The following WDSUB1 variants were observed in gnomAD, a reference collection of about 807,000 sequenced individuals.
WDSUB1 encodes the protein WD repeat, sterile alpha motif and U-box domain containing 1.
Under a neutral mutation model 53.9 loss-of-function variants are expected in WDSUB1, and 49 were observed. That is an observed-to-expected ratio of 0.91 (90% CI 0.72 to 1.15). WDSUB1 has a LOEUF of 1.15. Ranked by LOEUF, WDSUB1 falls within the 50% of genes most tolerant of loss-of-function variation. WDSUB1 has a pLI of 0.00. For synonymous variants in WDSUB1, 194 were observed against 200.6 expected (o/e 0.97, Z 0.28); for missense variants, 514 against 562.0 (o/e 0.91, Z 0.86).
chr2:159,252,701 T>C (rs754120400), intron 9 of WDSUB1, among the ~76,000 whole-genome samples: 3 of 152,208 alleles, frequency 2.0e-5, no homozygotes, highest in Non-Finnish European at 4.4e-5. Context: ...ACAAGTGAAA[T>C]CTACATAACG....
chr2:159,261,019 A>C (rs2061177055), intron 5 of WDSUB1, among the ~76,000 whole-genome samples: 2 of 152,226 alleles, frequency 1.3e-5, no homozygotes, highest in African/African-American at 4.8e-5. Context: ...TATACTTTAA[A>C]AGTTCAAAGA....
chr2:159,237,821 C>T (rs1183463836), intron 10 of WDSUB1, among the ~76,000 whole-genome samples: 3 of 152,262 alleles, frequency 2.0e-5, no homozygotes, highest in Non-Finnish European at 4.4e-5. Context: ...ACCAAGGAAA[C>T]CCCAAGAAAA....
intron 9 of WDSUB1, among the ~76,000 whole-genome samples, chr2:159,250,106 A>AAAAAAAAAAAAAC (rs1559535180): frequency 6.7e-6 from 1 of 148,658 alleles, no homozygotes; most frequent in African/African-American, 2.5e-5. Context: ...AAAAAAAAAA[A>AAAAAAAAAAAAAC]AGAAGGGAAG....
chr2:159,238,710 C>G (rs2060556107), intron 10 of WDSUB1, among the ~76,000 whole-genome samples: 1 of 152,170 alleles, frequency 6.6e-6, no homozygotes, highest in Non-Finnish European at 1.5e-5. Flanking sequence ...TATGGAGGTT[C>G]TCGACATGTA....
chr2:159,275,292 C>T (rs951884567), intron 4 of WDSUB1, among the ~76,000 whole-genome samples: 3 of 152,110 alleles, frequency 2.0e-5, no homozygotes, highest in African/African-American at 7.2e-5. Flanking sequence ...GTGAAAACCA[C>T]AAAGGAGTTG....
At chr2:159,263,697 C>A (rs2061274824) in intron 5 of WDSUB1, among the ~76,000 whole-genome samples, 1 of 152,180 alleles carries the variant, frequency 6.6e-6, no homozygotes, top group African/African-American at 2.4e-5. Flanking sequence ...TCCTCAACAA[C>A]TCTTCCTGAA....
intron 9 of WDSUB1, among the ~76,000 whole-genome samples, chr2:159,249,040 G>A (rs932000970): frequency 2.0e-5 from 3 of 152,158 alleles, no homozygotes. Flanking sequence ...TATATCAGCA[G>A]CTAATAGCTC....
At position 159,279,975 on chromosome 2, in the gene WDSUB1, T is replaced by C. The variant is rs1207718401; in HGVS notation, c.399-30A>G. ...AATAAAAGCAAAAAGTGGGTTTTCA[T>C]TTCAGAGTATCCTTTACTTTATACC... is the stretch of plus-strand genomic sequence containing the variant. On this transcript the variant is annotated intron_variant, in intron 2 of 10. Coordinates refer to ENST00000359774, the MANE Select transcript of WDSUB1 (RefSeq NM_001128212.3). 6 of 1,579,950 alleles carry C rather than the reference T, an allele frequency of 3.8e-6. No individual in the cohort carries two copies. In the South Asian group the frequency reaches 4.6e-5, roughly 12 times the overall value.
intron 10 of WDSUB1, among the ~76,000 whole-genome samples, chr2:159,240,089 C>T (rs2151037535): frequency 6.6e-6 from 1 of 152,334 alleles, no homozygotes; most frequent in Middle Eastern, 3.4e-3. Flanking sequence ...CCACCTCTAA[C>T]TGACTTTGTC....
intron 9 of WDSUB1, among the ~76,000 whole-genome samples, chr2:159,255,145 G>A: frequency 6.6e-6 from 1 of 151,426 alleles, no homozygotes; most frequent in Non-Finnish European, 1.5e-5. Flanking sequence ...CCCCCACCCT[G>A]CCACCCCCAC....
chr2:159,237,550 A>G (rs2060516816), intron 10 of WDSUB1, among the ~76,000 whole-genome samples: 1 of 152,038 alleles, frequency 6.6e-6, no homozygotes, highest in Non-Finnish European at 1.5e-5. Context: ...ACTATAAAAC[A>G]AGGTACCTTC....
intron 10 of WDSUB1, among the ~76,000 whole-genome samples, chr2:159,236,676 G>C (rs774778065): frequency 6.6e-6 from 1 of 151,842 alleles, no homozygotes; most frequent in Non-Finnish European, 1.5e-5. Flanking sequence ...TGTTTGTTTT[G>C]AGACCAAGTC....
At chr2:159,253,770 T>G (rs1286644972) in intron 9 of WDSUB1, among the ~76,000 whole-genome samples, 1 of 152,230 alleles carries the variant, frequency 6.6e-6, no homozygotes, top group Non-Finnish European at 1.5e-5. Context: ...AGACCAAATT[T>G]AATTCTCTAT....
intron 10 of WDSUB1, among the ~76,000 whole-genome samples, chr2:159,245,627 G>A (rs1431821784): frequency 6.6e-6 from 1 of 151,634 alleles, no homozygotes; most frequent in Non-Finnish European, 1.5e-5. Flanking sequence ...ATCATACAAA[G>A]TCTAGAAATG....
intron 5 of WDSUB1, among the ~76,000 whole-genome samples, chr2:159,269,640 C>T (rs1168316573): frequency 2.0e-5 from 3 of 152,120 alleles, no homozygotes; most frequent in Admixed American, 6.5e-5. Flanking sequence ...TAGAATGAAA[C>T]TAACTTTTCT....
At chr2:159,261,886 ATATATATATATTTTTTTTTTTTTTTTT>A (rs1258889455) in intron 5 of WDSUB1, among the ~76,000 whole-genome samples, 130 of 15,092 alleles carry the variant, frequency 8.6e-3, no homozygotes, top group Non-Finnish European at 0.011. Context: ...ATATATATAT[ATATATATATATTTTTTTTTTTTTTTTT>A]TTTTTTTTTT....
chr2:159,261,919 T>A (rs2061236997), intron 5 of WDSUB1, among the ~76,000 whole-genome samples: 2 of 103,062 alleles, frequency 1.9e-5, no homozygotes, highest in African/African-American at 6.7e-5. Context: ...TTTTTTTTTT[T>A]TTTTTTTTTT....
At chr2:159,249,143 C>T (rs2060888779) in intron 9 of WDSUB1, among the ~76,000 whole-genome samples, 1 of 152,130 alleles carries the variant, frequency 6.6e-6, no homozygotes, top group Admixed American at 6.5e-5. Context: ...TGCTTACTTA[C>T]ACAACAAAAA....
chr2:159,240,649 C>T (rs1415628871), intron 10 of WDSUB1, among the ~76,000 whole-genome samples: 1 of 152,122 alleles, frequency 6.6e-6, no homozygotes, highest in Non-Finnish European at 1.5e-5. Flanking sequence ...GCACAACAAC[C>T]TTATGATGTA....
Sources: allele counts gnomAD v4.1 joint callset (sites outside exome capture counted in the v4.1 genomes callset), GRCh38; gene constraint gnomAD v4.1.1; transcripts MANE v1.5; gene names NCBI Gene and HGNC (gene_info 2026-07-23, HGNC 2026-07-21).